SGCG: variants seen among roughly 807,000 people sequenced by gnomAD.
SGCG encodes the protein gamma-sarcoglycan.
A neutral mutation model predicts 29.3 loss-of-function variants in SGCG; 26 were observed. The ratio of observed to expected loss-of-function variants is 0.89; its 90% CI spans 0.65 to 1.23. The LOEUF (loss-of-function observed/expected upper bound fraction) is 1.23, where lower values mean the gene tolerates loss of function less well. SGCG is among the 50% of genes most tolerant of loss of function. SGCG has a pLI of 0.00. For missense variants in SGCG, 353 were observed against 356.0 expected (o/e 0.99, Z 0.07); for synonymous variants, 145 against 129.7 (o/e 1.12, Z -0.80).
At chr13:23,298,598 G>C (rs1882001430) in intron 6 of SGCG, among the ~76,000 whole-genome samples, 1 of 151,982 alleles carries the variant, frequency 6.6e-6, no homozygotes, top group Non-Finnish European at 1.5e-5. Flanking sequence ...TAACATTAAA[G>C]AATTTTTATA....
intron 2 of SGCG, among the ~76,000 whole-genome samples, chr13:23,224,431 A>G (rs1323132142): frequency 6.6e-6 from 1 of 152,224 alleles, no homozygotes; most frequent in Non-Finnish European, 1.5e-5. Context: ...GTAGAATTCA[A>G]CAAGCATTTA....
chr13:23,305,201 G>A (rs943698363), intron 6 of SGCG, among the ~76,000 whole-genome samples: 1 of 152,188 alleles, frequency 6.6e-6, no homozygotes, highest in Non-Finnish European at 1.5e-5. Context: ...AGAACAGGGG[G>A]TGTCTTTCCA....
At chr13:23,281,247 G>A (rs998893799) in intron 5 of SGCG, among the ~76,000 whole-genome samples, 1 of 152,016 alleles carries the variant, frequency 6.6e-6, no homozygotes, top group African/African-American at 2.4e-5. Context: ...GGCTGAGGTG[G>A]GAGGATCACC....
chr13:23,169,628 G>A, the SGCG span, among the ~76,000 whole-genome samples: 18 of 151,130 alleles, frequency 1.2e-4, no homozygotes, highest in African/African-American at 1.7e-4. Flanking sequence ...GCAGTGAGCC[G>A]AGATCTTGCC....
At chr13:23,191,950 C>G (rs539646710) in intron 1 of SGCG, among the ~76,000 whole-genome samples, 1 of 152,066 alleles carries the variant, frequency 6.6e-6, no homozygotes, top group East Asian at 1.9e-4. Flanking sequence ...CTTAGGTGGG[C>G]GGATCACGAG....
rs114917023 is a variant in SGCG at position 23,248,997 on chromosome 13, G to A, written c.298-1633G>A. On this transcript the variant is annotated intron_variant, in intron 3 of 7. Coordinates refer to ENST00000218867, the MANE Select transcript of SGCG (RefSeq NM_000231.3). ...CAGAGCCAGACTCTGTCACAGAAAAGAAAAAAAAAAAAAAACAAACCTCAA... is the reference window on the plus strand; with the variant it reads ...CAGAGCCAGACTCTGTCACAGAAAAAAAAAAAAAAAAAAAACAAACCTCAA... Among the ~76,000 whole-genome samples the A allele has an allele frequency of 9.5e-3, 1,075 of 112,676 alleles. 5 individuals are homozygous for A. Among genetic ancestry groups the A allele is most frequent in the African/African-American group, 0.024 (675 of 28,198 alleles). The allele number at this position is 112,676 out of a possible 152,430, so 73.9% of individuals were successfully genotyped here.
At chr13:23,303,457 G>A (rs1050443665) in intron 6 of SGCG, among the ~76,000 whole-genome samples, 8 of 152,242 alleles carry the variant, frequency 5.3e-5, no homozygotes, top group African/African-American at 1.9e-4. Flanking sequence ...CTGCCCACAG[G>A]CATGTTCAGA....
chr13:23,258,558 A>T (rs899371152), intron 4 of SGCG, among the ~76,000 whole-genome samples: 4 of 151,986 alleles, frequency 2.6e-5, no homozygotes, highest in African/African-American at 9.7e-5. Context: ...TTGCCTGATT[A>T]CCCTGGCCAG....
intron 4 of SGCG, among the ~76,000 whole-genome samples, chr13:23,274,211 ATTC>A (rs1221934333): frequency 1.3e-5 from 2 of 151,892 alleles, no homozygotes; most frequent in African/African-American, 2.4e-5. Flanking sequence ...ACTTTTGTCC[ATTC>A]CTTAAGTGGC....
At chr13:23,295,701 GCCT>G (rs1881879823) in intron 6 of SGCG, among the ~76,000 whole-genome samples, 1 of 152,266 alleles carries the variant, frequency 6.6e-6, no homozygotes, top group Admixed American at 6.5e-5. Context: ...CCTGTTCACA[GCCT>G]CCTCCTTCCT....
At chr13:23,249,698 A>T (rs531838820) in intron 3 of SGCG, among the ~76,000 whole-genome samples, 1 of 152,328 alleles carries the variant, frequency 6.6e-6, no homozygotes, top group South Asian at 2.1e-4. Context: ...AGGAAAATTG[A>T]TCTTGGTAGA....
rs533497234 is a variant in SGCG at position 23,236,489 on chromosome 13, A to G, written c.297+1777A>G. On this transcript the variant is annotated intron_variant, in intron 3 of 7. Transcript: ENST00000218867. ...TCAGGAGATCAAGACCATCCTGGCT[A>G]ACACAGTGAAACCCCGTCTCTACTA... Among the ~76,000 whole-genome samples the G allele has an allele frequency of 2.9e-4, 44 of 152,196 alleles. No individual in the cohort carries two copies. In the East Asian group the frequency reaches 8.1e-3, roughly 28 times the overall value.
At chr13:23,225,610 CT>C (rs1161754035) in intron 2 of SGCG, among the ~76,000 whole-genome samples, 1 of 152,136 alleles carries the variant, frequency 6.6e-6, no homozygotes, top group African/African-American at 2.4e-5. Context: ...TGAGCCCTTC[CT>C]TTCTGACACA....
intron 5 of SGCG, among the ~76,000 whole-genome samples, chr13:23,286,713 T>C (rs1881510985): frequency 6.7e-6 from 1 of 149,676 alleles, no homozygotes; most frequent in Admixed American, 6.7e-5. Context: ...AAAAATATAC[T>C]GTAATAAAAG....
At chr13:23,164,155 T>C in the SGCG span, among the ~76,000 whole-genome samples, 1 of 152,216 alleles carries the variant, frequency 6.6e-6, no homozygotes, top group Non-Finnish European at 1.5e-5. Flanking sequence ...CTCCCCTTAA[T>C]CCAAAATTAC....
At chr13:23,211,172 C>G (rs542011583) in intron 2 of SGCG, among the ~76,000 whole-genome samples, 2 of 152,244 alleles carry the variant, frequency 1.3e-5, no homozygotes, top group African/African-American at 2.4e-5. Flanking sequence ...ATGCCTGCTG[C>G]GAGGCAAGGA....
chr13:23,203,889 A>C lies in SGCG; in HGVS notation c.195A>C (p.Pro65=). 1.9e-6 allele frequency: 3 copies of C among 1,593,088 alleles called. No individual in the cohort carries two copies. Among genetic ancestry groups the C allele is most frequent in the African/African-American group, 1.3e-5 (1 of 74,598 alleles). ...TTCTTAAAGTGATGTGGTTTTCTCC[A>C]GTAAGTATCATTATTTTCTGGTAAG... ...IWILKVMWFS[P]AGMGHLCVTK... Residue 65 remains proline (P), a splice_region_variant and synonymous_variant, in exon 2 of 8, where the codon CCA becomes CCC. Transcript: ENST00000218867.
intron 5 of SGCG, 29 bp from the exon 6 acceptor site, chr13:23,295,386 C>G (rs1157904704): frequency 2.0e-6 from 3 of 1,520,602 alleles, no homozygotes; most frequent in Non-Finnish European, 2.7e-6. Flanking sequence ...TTTACTTCTG[C>G]TCCTGATACA....
At chr13:23,187,095 G>A (rs1371157968) in intron 1 of SGCG, among the ~76,000 whole-genome samples, 1 of 152,140 alleles carries the variant, frequency 6.6e-6, no homozygotes, top group Non-Finnish European at 1.5e-5. Context: ...AGGAGGCCTA[G>A]CTACTGGGCC....
Sources: allele counts gnomAD v4.1 joint callset (sites outside exome capture counted in the v4.1 genomes callset), GRCh38; gene constraint gnomAD v4.1.1; transcripts MANE v1.5; gene names NCBI Gene and HGNC (gene_info 2026-07-23, HGNC 2026-07-21).